Variants in CDKN2A observed in about 807,000 individuals in gnomAD.
The protein encoded by CDKN2A is cyclin dependent kinase inhibitor 2A.
In CDKN2A, 3 loss-of-function variants were observed where a neutral mutation model predicts 11.1. The observed-to-expected ratio is 0.27, with a 90% CI of 0.12 to 0.70. The LOEUF is 0.70. Among genes scored for constraint, CDKN2A ranks in the 30% least tolerant of loss-of-function variants. CDKN2A has a pLI of 0.77. For missense variants in CDKN2A, 265 were observed against 233.6 expected, an observed-to-expected ratio of 1.13 and a Z score of -0.88; for synonymous variants, 122 against 108.1, an observed-to-expected ratio of 1.13 and a Z score of -0.80.
intron 1 of CDKN2A, chr9:21,994,435 A>T: frequency 6.3e-7 from 1 of 1,578,864 alleles, no homozygotes; most frequent in East Asian, 2.3e-5. Context: ...ACTGGGACCC[A>T]CGCACCGCCC....
chr9:21,974,437 A>G lies in CDKN2A; in HGVS notation c.150+241T>C, dbSNP rs373185790. ...AATACAAATATGTTCCCCCCTTCAG[A>G]TCTTCTCAGCATTCGAGAGATCTGT... On this transcript the variant is annotated intron_variant, in intron 1 of 2. Coordinates refer to ENST00000304494, the MANE Select transcript of CDKN2A (RefSeq NM_000077.5). This position sits in a 1 kb window ranked among gnomAD's most constrained non-coding sequence, Gnocchi z 5.2. 2 of 1,610,586 alleles carry G rather than the reference A, an allele frequency of 1.2e-6. No homozygotes were observed. The highest frequency in any genetic ancestry group is 1.3e-5 in the African/African-American group (1 of 74,902).
At chr9:21,980,100 A>G (rs1011669508) in intron 2 of CDKN2A, among the ~76,000 whole-genome samples, 1 of 152,224 alleles carries the variant, frequency 6.6e-6, no homozygotes, top group Non-Finnish European at 1.5e-5. Flanking sequence ...ATAGCTCTAC[A>G]CTGAGACCAA....
At position 21,994,277 on chromosome 9, in the gene CDKN2A, G is replaced by A. The variant is rs2131148812; in HGVS notation, c.-175-224C>T. ...ATGTGAACCACGAAAACCCTCACTC[G>A]CGGCGGGCCGCACGCGCGCCGAATC... On this transcript the variant is annotated intron_variant, in intron 1 of 3. Transcript: ENST00000494262. 1 of 1,603,956 alleles carries A rather than the reference G, an allele frequency of 6.2e-7. No individual in the cohort carries two copies. The highest frequency in any genetic ancestry group is 8.5e-7 in the Non-Finnish European group (1 of 1,176,120).
chr9:21,970,333 T>A (rs921485002), intron 2 of CDKN2A: 2 of 248,626 alleles, frequency 8.0e-6, no homozygotes, highest in African/African-American at 4.4e-5. Context: ...GGTCCTGATG[T>A]CCCCAGAACC....
chr9:21,990,503 G>T (rs148827361), intron 2 of CDKN2A, among the ~76,000 whole-genome samples: 1 of 152,072 alleles, frequency 6.6e-6, no homozygotes, highest in Admixed American at 6.5e-5. Flanking sequence ...TTTTACTGAT[G>T]ATGGTCATAG....
At chr9:21,993,261 T>G (rs1415206680) in intron 2 of CDKN2A, among the ~76,000 whole-genome samples, 1 of 152,252 alleles carries the variant, frequency 6.6e-6, no homozygotes, top group African/African-American at 2.4e-5. Context: ...TGTACATATA[T>G]TCTTTCAGTT....
Position 21,968,085 on chromosome 9 carries a change from G to A in CDKN2A, c.*144C>T. On this transcript the variant is annotated 3_prime_UTR_variant, in exon 3 of 3. Coordinates refer to ENST00000304494, the MANE Select transcript of CDKN2A (RefSeq NM_000077.5). This position sits in a 1 kb window ranked among gnomAD's most constrained non-coding sequence, Gnocchi z 4.7. ...GGAAGGCATATATCTACGTTAAAAGGCAGGACATTTTTAAAAGCTCTATTT... is the reference window on the plus strand; with the variant it reads ...GGAAGGCATATATCTACGTTAAAAGACAGGACATTTTTAAAAGCTCTATTT... 2.6e-6 allele frequency: 2 copies of A among 762,126 alleles called. No individual in the cohort carries two copies. The highest frequency in any genetic ancestry group is 2.5e-4 in the Middle Eastern group (1 of 4,032). 47.2% of individuals were successfully genotyped at this position (762,126 alleles called of 1,614,324 possible). A position where few individuals can be genotyped will look rare whatever the true frequency, so the allele number is the denominator to read the frequency against.
upstream of CDKN2A, among the ~76,000 whole-genome samples, chr9:21,978,471 G>T (rs1402714616): frequency 6.6e-6 from 1 of 151,970 alleles, no homozygotes. Context: ...TGCAAAATGG[G>T]ATTATAATAT....
chr9:21,977,057 T>G (rs935725613), upstream of CDKN2A, among the ~76,000 whole-genome samples: 2 of 152,204 alleles, frequency 1.3e-5, no homozygotes, highest in African/African-American at 4.8e-5. Flanking sequence ...TCTTGTACTT[T>G]TAGTGTCTGC....
chr9:21,991,998 C>A lies in CDKN2A; in HGVS notation c.-4+1884G>T. The A allele has an allele frequency of 4.1e-6, 4 of 984,292 alleles. No individual in the cohort carries two copies. The highest frequency in any genetic ancestry group is 4.8e-6 in the Non-Finnish European group (4 of 829,002). 61.0% of individuals were successfully genotyped at this position (984,292 alleles called of 1,614,324 possible). A position where few individuals can be genotyped will look rare whatever the true frequency, so the allele number is the denominator to read the frequency against. The stretch of plus-strand genomic sequence containing the variant: ...TAAAAATATGACTATTTTGTAAATG[C>A]ACCAAGGTAGAAGTAACAAATCAAC... On this transcript the variant is annotated intron_variant, in intron 2 of 3. Coordinates refer to the CDKN2A transcript ENST00000494262. The surrounding 1 kb of genome is among the most constrained non-coding windows in gnomAD (Gnocchi z 5.2).
chr9:21,986,160 A>G (rs1170051756), intron 2 of CDKN2A, among the ~76,000 whole-genome samples: 1 of 152,056 alleles, frequency 6.6e-6, no homozygotes, highest in East Asian at 1.9e-4. Context: ...AATAAGCAAA[A>G]GAAATAGAAT....
chr9:21,981,019 T>TATATATATACACGTGTATATATATAC, intron 2 of CDKN2A, among the ~76,000 whole-genome samples: 1 of 5,216 alleles, frequency 1.9e-4, no homozygotes, highest in African/African-American at 7.9e-4. Context: ...TATATATATA[T>TATATATATACACGTGTATATATATAC]ACGTGTATAT....
chr9:21,991,386 C>A lies in CDKN2A; in HGVS notation c.-4+2496G>T, dbSNP rs1820425719. Among the ~76,000 whole-genome samples, 1 of 151,696 alleles carries A rather than the reference C, an allele frequency of 6.6e-6. No individual in the cohort carries two copies. Among genetic ancestry groups the A allele is most frequent in the African/African-American group, 2.4e-5 (1 of 41,246 alleles). Reference sequence around the variant, plus strand: ...CAATTCTTCTTCTTCCTATGTGGCCCAGGGAAGGTAAAAGATTGAACACCC... The same window carrying A: ...CAATTCTTCTTCTTCCTATGTGGCCAAGGGAAGGTAAAAGATTGAACACCC... On this transcript the variant is annotated intron_variant, in intron 2 of 3. Coordinates refer to the CDKN2A transcript ENST00000494262. The surrounding 1 kb of genome is among the most constrained non-coding windows in gnomAD (Gnocchi z 5.2).
intron 2 of CDKN2A, among the ~76,000 whole-genome samples, chr9:21,990,644 GAGAGA>G (rs1820409702): frequency 6.6e-6 from 1 of 150,806 alleles, no homozygotes; most frequent in Non-Finnish European, 1.5e-5. Flanking sequence ...GAGAGAGAGA[GAGAGA>G]GAAACTGTTT....
intron 2 of CDKN2A, among the ~76,000 whole-genome samples, chr9:21,982,510 G>A (rs1820217840): frequency 6.6e-6 from 1 of 151,902 alleles, no homozygotes; most frequent in Middle Eastern, 3.4e-3. Context: ...TACTTGTGGC[G>A]AATTACTTAT....
chr9:21,979,639 G>A (rs1287685605), upstream of CDKN2A, among the ~76,000 whole-genome samples: 1 of 152,176 alleles, frequency 6.6e-6, no homozygotes, highest in African/African-American at 2.4e-5. Context: ...CTATGAATGA[G>A]GAGGTTAGCT....
chr9:21,974,924 C>G, upstream of CDKN2A: 1 of 1,430,794 alleles, frequency 7.0e-7, no homozygotes, highest in Non-Finnish European at 9.1e-7. The surrounding 1 kb of genome is among the most constrained non-coding windows in gnomAD (Gnocchi z 5.2). Flanking sequence ...AGCCCCTCCT[C>G]TTTCTTCCTC....
chr9:21,992,069 G>A (rs918639095), intron 2 of CDKN2A: 10 of 929,426 alleles, frequency 1.1e-5, no homozygotes, highest in Middle Eastern at 5.5e-4. Flanking sequence ...TGGTAACGTG[G>A]AATTTTAGTA....
At chr9:21,987,037 C>T (rs1004239896) in intron 2 of CDKN2A, among the ~76,000 whole-genome samples, 3 of 152,036 alleles carry the variant, frequency 2.0e-5, no homozygotes, top group Non-Finnish European at 4.4e-5. Flanking sequence ...CCTAATACAT[C>T]AGCAAAGTCA....
Sources: gnomAD v4.1 joint callset for allele counts (sites outside exome capture counted in the v4.1 genomes callset) on GRCh38, gnomAD v4.1.1 for gene constraint, Gnocchi (gnomAD v3.1) non-coding constraint, MANE v1.5 for transcripts, NCBI Gene and HGNC (gene_info 2026-07-23, HGNC 2026-07-21) for gene names.